The following MIA2 variants were observed in gnomAD, a reference collection of about 807,000 sequenced individuals.
MIA2 encodes the protein melanoma inhibitory activity protein 2.
Under a neutral mutation model 167.8 loss-of-function variants are expected in MIA2, and 127 were observed. That is an observed-to-expected ratio of 0.76 (90% CI 0.66 to 0.88). The LOEUF is 0.88. Among genes scored for constraint, MIA2 ranks in the 40% least tolerant of loss-of-function variants. The pLI, the probability that MIA2 is intolerant of heterozygous loss-of-function variation, is 0.00. For synonymous variants in MIA2, 552 were observed against 541.9 expected, an observed-to-expected ratio of 1.02 and a Z score of -0.26; for missense variants, 1,690 against 1,624.7, an observed-to-expected ratio of 1.04 and a Z score of -0.69.
chr14:39,333,801 C>G (rs1028940538), intron 25 of MIA2, among the ~76,000 whole-genome samples: 1 of 152,094 alleles, frequency 6.6e-6, no homozygotes, highest in African/African-American at 2.4e-5. Flanking sequence ...ATTTACTCTA[C>G]CATACTAGAA....
At chr14:39,386,979 A>G in exon 24 of MIA2, 1 of 771,282 alleles carries the variant, frequency 1.3e-6, no homozygotes, top group Non-Finnish European at 2.3e-6. Context: ...GATGAGACTA[A>G]CGAGATCTGT....
chr14:39,250,278 T>C (rs1341222931), intron 4 of MIA2, among the ~76,000 whole-genome samples: 2 of 152,142 alleles, frequency 1.3e-5, no homozygotes, highest in African/African-American at 2.4e-5. Context: ...CTTTCGTACA[T>C]TTTATTTAGC....
rs116604549 is a variant in MIA2, at chr14:39,386,097, G to C, written c.2249-788G>C. 3.1e-4 allele frequency: 390 copies of C among 1,270,558 alleles called. No individual in the cohort carries two copies. In the African/African-American group the frequency reaches 5.0e-3, roughly 16 times the overall value. The allele number at this position is 1,270,558 out of a possible 1,614,324, so 78.7% of individuals were successfully genotyped here. A position where few individuals can be genotyped will look rare whatever the true frequency, so the allele number is the denominator to read the frequency against. On this transcript the variant is annotated intron_variant, in intron 23 of 23. Transcript: ENST00000341502. ...TTAAGAAACCCGCAGCACACTCCAG[G>C]GTGCTTGATGACATCAAGCATTGGT...
intron 9 of MIA2, among the ~76,000 whole-genome samples, 198 bp from the exon 10 acceptor site, chr14:39,290,821 C>G (rs1354905564): frequency 1.3e-5 from 2 of 152,116 alleles, no homozygotes; most frequent in Admixed American, 1.3e-4. Context: ...GTTGCCAGAG[C>G]TAGTGGTTTG....
At chr14:39,357,037 G>C (rs539709032) in intron 23 of MIA2, among the ~76,000 whole-genome samples, 2 of 152,160 alleles carry the variant, frequency 1.3e-5, no homozygotes, top group Non-Finnish European at 2.9e-5. Flanking sequence ...TGTTGAATTC[G>C]GGTGGAGAGT....
chr14:39,366,464 C>A (rs1419740894), intron 23 of MIA2, among the ~76,000 whole-genome samples: 1 of 152,088 alleles, frequency 6.6e-6, no homozygotes, highest in Non-Finnish European at 1.5e-5. Context: ...TTGGAAATGG[C>A]TGTGTTGGGC....
chr14:39,381,788 ACC>A (rs1434323290), intron 23 of MIA2, among the ~76,000 whole-genome samples: 1 of 151,760 alleles, frequency 6.6e-6, no homozygotes, highest in Non-Finnish European at 1.5e-5. Context: ...AGTTGGTCAA[ACC>A]CAATGGGAAA....
chr14:39,377,614 G>T (rs1007691137), intron 23 of MIA2, among the ~76,000 whole-genome samples: 1 of 152,092 alleles, frequency 6.6e-6, no homozygotes, highest in African/African-American at 2.4e-5. Context: ...ATTTGAACAG[G>T]ATTTTTCTCT....
rs1157387866 is a variant in MIA2 at position 39,240,861 on chromosome 14, AACAG to A, written c.336+219_336+222del. Reference sequence around the variant, plus strand: ...AAAAGATTTTGCTTTCTGAACAATTAACAGACAGGCAGTAGAGTGTAATTGTTAA... The same window carrying A: ...AAAAGATTTTGCTTTCTGAACAATTAACAGGCAGTAGAGTGTAATTGTTAA... On this transcript the variant is annotated intron_variant, in intron 3 of 28. Transcript: ENST00000640607. 4.6e-5 allele frequency among the ~76,000 whole-genome samples: 7 copies of A among 152,336 alleles called. No homozygotes were observed. The South Asian group carries it at 8.3e-4, about 18-fold the overall frequency.
chr14:39,274,170 G>T (rs114237023), intron 6 of MIA2, among the ~76,000 whole-genome samples: 17 of 151,992 alleles, frequency 1.1e-4, no homozygotes, highest in Non-Finnish European at 1.9e-4. Context: ...AATCACTACC[G>T]TACTTTATGG....
exon 24 of MIA2, chr14:39,387,992 T>G (rs971930257): frequency 1.3e-5 from 2 of 152,228 alleles, no homozygotes. Context: ...TAAACATAAC[T>G]TTTATGTGCA....
At chr14:39,332,078 A>G (rs146582803) in intron 25 of MIA2, among the ~76,000 whole-genome samples, 1,850 of 152,304 alleles carry the variant, frequency 0.012, 17 homozygotes, top group Non-Finnish European at 0.019. Context: ...CAGGTACACC[A>G]ATCAAATATA....
chr14:39,263,497 A>G (rs553845817), intron 6 of MIA2, among the ~76,000 whole-genome samples: 1 of 151,558 alleles, frequency 6.6e-6, no homozygotes, highest in South Asian at 2.1e-4. Context: ...AGTCTCCCAG[A>G]GTGCTAGGAT....
Position 39,247,778 on chromosome 14 carries a change from A to C in MIA2, c.1204A>C (p.Asn402His), listed in dbSNP as rs769717609. 3 of 1,613,618 alleles carry C rather than the reference A, an allele frequency of 1.9e-6. No homozygotes were observed. The highest frequency in any genetic ancestry group is 4.5e-5 in the East Asian group (2 of 44,868). Residue 402 changes from asparagine (N) to histidine (H), a missense_variant, in exon 4 of 29, where the codon AAT (asparagine) becomes CAT (histidine). Physicochemically the swap from Asn to His is moderately conservative, Grantham distance 68 (BLOSUM62 1). Transcript: ENST00000640607. ...EDKIMLDDRK[N>H]EEDGGADEHE... is the part of the protein sequence containing the mutation. The stretch of plus-strand genomic sequence containing the variant: ...TAAAATTATGTTAGATGACAGGAAA[A>C]ATGAAGAAGATGGTGGGGCAGATGA...
chr14:39,375,527 A>G (rs950317749), intron 23 of MIA2, among the ~76,000 whole-genome samples: 1 of 152,110 alleles, frequency 6.6e-6, no homozygotes, highest in South Asian at 2.1e-4. Flanking sequence ...GAAACCCTGT[A>G]TCTACTAAAA....
downstream of MIA2, among the ~76,000 whole-genome samples, chr14:39,352,548 C>T (rs900678215): frequency 2.0e-5 from 3 of 151,840 alleles, no homozygotes; most frequent in Non-Finnish European, 2.9e-5. Flanking sequence ...GTATAGTCAC[C>T]TCTTTGGTAT....
At chr14:39,330,974 G>T (rs1206403642) in intron 25 of MIA2, among the ~76,000 whole-genome samples, 1 of 152,090 alleles carries the variant, frequency 6.6e-6, no homozygotes, top group Non-Finnish European at 1.5e-5. Flanking sequence ...TGTCTGTTAG[G>T]TCCGCTTGGT....
At chr14:39,322,405 G>T (rs1233537688) in intron 24 of MIA2, among the ~76,000 whole-genome samples, 2 of 152,072 alleles carry the variant, frequency 1.3e-5, no homozygotes, top group African/African-American at 4.8e-5. Context: ...GCTGGGTGTG[G>T]TGGTGGGCGC....
chr14:39,346,946 AT>A, intron 26 of MIA2: 1 of 307,334 alleles, frequency 3.3e-6, no homozygotes, highest in Non-Finnish European at 6.5e-6. Flanking sequence ...TTTAATTATT[AT>A]TTTTGAGACA....
Sources: allele counts gnomAD v4.1 joint callset (sites outside exome capture counted in the v4.1 genomes callset), GRCh38; gene constraint gnomAD v4.1.1; transcripts MANE v1.5; gene names NCBI Gene and HGNC (gene_info 2026-07-23, HGNC 2026-07-21).